CCDC102B: variants seen among roughly 807,000 people sequenced by gnomAD.
CCDC102B encodes the protein coiled-coil domain containing 102B, also known as coiled-coil domain-containing protein 102B.
In CCDC102B, 75 loss-of-function variants were observed where a neutral mutation model predicts 57.4. The ratio of observed to expected loss-of-function variants is 1.31; its 90% CI spans 1.08 to 1.58. The LOEUF (loss-of-function observed/expected upper bound fraction) is 1.58. Ranked by LOEUF, CCDC102B falls within the 40% of genes most tolerant of loss-of-function variation. The pLI, the probability that CCDC102B is intolerant of heterozygous loss-of-function variation, is 0.00. For synonymous variants in CCDC102B, 206 were observed against 201.9 expected (o/e 1.02, Z -0.17); for missense variants, 636 against 582.6 (o/e 1.09, Z -0.94).
At chr18:68,911,270 A>G (rs2040835232) in intron 6 of CCDC102B, among the ~76,000 whole-genome samples, 1 of 152,204 alleles carries the variant, frequency 6.6e-6, no homozygotes, top group Non-Finnish European at 1.5e-5. Context: ...AAAGAATGGG[A>G]TTATATACTT....
intron 6 of CCDC102B, among the ~76,000 whole-genome samples, chr18:68,933,759 A>C (rs552394215): frequency 4.6e-5 from 7 of 152,040 alleles, no homozygotes; most frequent in Middle Eastern, 3.4e-3. Context: ...CAATATGATC[A>C]TATAAATGTA....
At chr18:68,967,242 C>G (rs1044018485) in intron 6 of CCDC102B, among the ~76,000 whole-genome samples, 4 of 152,072 alleles carry the variant, frequency 2.6e-5, no homozygotes, top group Non-Finnish European at 5.9e-5. Flanking sequence ...ACCAGTGGTT[C>G]CCAATGTTCA....
At chr18:68,958,846 CT>C (rs2049974788) in intron 6 of CCDC102B, among the ~76,000 whole-genome samples, 1 of 152,030 alleles carries the variant, frequency 6.6e-6, no homozygotes, top group African/African-American at 2.4e-5. Flanking sequence ...CTGCTTGATT[CT>C]TTTTAGTTAT....
chr18:68,951,179 C>A (rs1429503195), intron 6 of CCDC102B, among the ~76,000 whole-genome samples: 1 of 152,040 alleles, frequency 6.6e-6, no homozygotes, highest in Non-Finnish European at 1.5e-5. Flanking sequence ...TTTAAATAAA[C>A]ACAGATGATG....
At chr18:68,996,738 T>A (rs1410826942) in intron 6 of CCDC102B, among the ~76,000 whole-genome samples, 1 of 152,204 alleles carries the variant, frequency 6.6e-6, no homozygotes, top group African/African-American at 2.4e-5. Flanking sequence ...AATGACTTGC[T>A]TTATTTCAGA....
At chr18:68,756,133 T>TTTTG (rs2034040046) in intron 2 of CCDC102B, among the ~76,000 whole-genome samples, 1 of 151,760 alleles carries the variant, frequency 6.6e-6, no homozygotes, top group Admixed American at 6.6e-5. Flanking sequence ...TTTCAATAAG[T>TTTTG]ATTATTTTGA....
chr18:69,039,844 G>C (rs866380356), intron 7 of CCDC102B, among the ~76,000 whole-genome samples: 15 of 143,878 alleles, frequency 1.0e-4, no homozygotes, highest in Non-Finnish European at 1.9e-4. Flanking sequence ...CAGGAAATTA[G>C]AGGAAATTAG....
intron 7 of CCDC102B, among the ~76,000 whole-genome samples, chr18:69,020,477 T>G (rs146333309): frequency 6.6e-6 from 1 of 152,258 alleles, no homozygotes; most frequent in African/African-American, 2.4e-5. Flanking sequence ...AGTATCATTT[T>G]GGAAGATTAA....
At chr18:68,779,190 G>A (rs1468461423) in intron 2 of CCDC102B, among the ~76,000 whole-genome samples, 1 of 152,094 alleles carries the variant, frequency 6.6e-6, no homozygotes, top group Non-Finnish European at 1.5e-5. Context: ...GGAAATTTAT[G>A]TGCATACACA....
intron 6 of CCDC102B, among the ~76,000 whole-genome samples, chr18:68,968,260 T>C (rs139550443): frequency 6.6e-6 from 1 of 152,234 alleles, no homozygotes; most frequent in East Asian, 2.0e-4. Flanking sequence ...AATAAAACTT[T>C]ATGGTCTGAC....
rs540176524 is a variant in CCDC102B at position 68,942,838 on chromosome 18, C to A, written c.1263+45410C>A. Among the ~76,000 whole-genome samples, 506 of 146,526 alleles carry A rather than the reference C, an allele frequency of 3.5e-3. 1 individual carries two copies. The highest frequency in any genetic ancestry group is 0.012 in the African/African-American group (475 of 40,520). On this transcript the variant is annotated intron_variant, in intron 6 of 7. Coordinates refer to ENST00000360242, the MANE Select transcript of CCDC102B (RefSeq NM_024781.3). ...CCTTTACAGGTGTCGGGCTGGGGTA[C>A]GGTCAGGTCTTTCCCTTCCCACGAG...
At position 68,808,541 on chromosome 18, in the gene CCDC102B, T is replaced by G. The variant is rs1282310392; in HGVS notation, c.-16+10360T>G. Among the ~76,000 whole-genome samples, 3 of 145,286 alleles carry G rather than the reference T, an allele frequency of 2.1e-5. No individual in the cohort carries two copies. The South Asian group carries it at 6.8e-4, about 33-fold the overall frequency. On this transcript the variant is annotated intron_variant, in intron 1 of 7. Transcript: ENST00000360242. ...CGGCCAGGCCGGACTGCAGTGGCGC[T>G]ATCTCCGCTCACTGCAAGCTCTGCC...
At chr18:68,885,411 A>G (rs187166435) in intron 5 of CCDC102B, among the ~76,000 whole-genome samples, 1 of 152,206 alleles carries the variant, frequency 6.6e-6, no homozygotes, top group Admixed American at 6.5e-5. Flanking sequence ...AATAAGTAGC[A>G]TAATAATACC....
intron 2 of CCDC102B, among the ~76,000 whole-genome samples, chr18:68,790,639 C>T (rs1169720411): frequency 6.6e-6 from 1 of 152,200 alleles, no homozygotes; most frequent in African/African-American, 2.4e-5. Context: ...AGGGAACTCC[C>T]TGACCCCTTG....
chr18:68,855,359 G>T (rs1361195192), intron 4 of CCDC102B, among the ~76,000 whole-genome samples: 1 of 152,102 alleles, frequency 6.6e-6, no homozygotes, highest in Non-Finnish European at 1.5e-5. Context: ...GATTAAGAGT[G>T]CTCCAAGCAG....
intron 6 of CCDC102B, among the ~76,000 whole-genome samples, chr18:68,932,624 A>C (rs73463849): frequency 6.6e-6 from 1 of 151,950 alleles, no homozygotes; most frequent in Non-Finnish European, 1.5e-5. Flanking sequence ...TATTCTACCT[A>C]TTCAACAATA....
intron 6 of CCDC102B, among the ~76,000 whole-genome samples, chr18:68,904,184 A>G (rs966049391): frequency 9.2e-5 from 14 of 152,144 alleles, no homozygotes; most frequent in Non-Finnish European, 1.9e-4. Context: ...AACTGTTTAC[A>G]TAGATTCTAT....
At chr18:68,808,644 A>AT (rs1052902671) in intron 1 of CCDC102B, among the ~76,000 whole-genome samples, 4 of 151,360 alleles carry the variant, frequency 2.6e-5, no homozygotes, top group Non-Finnish European at 4.4e-5. Context: ...CGCCCGGATA[A>AT]TTTTTTTGTA....
chr18:68,807,032 T>C (rs1031095041), intron 1 of CCDC102B, among the ~76,000 whole-genome samples: 1 of 152,120 alleles, frequency 6.6e-6, no homozygotes, highest in Non-Finnish European at 1.5e-5. Flanking sequence ...ATTGTATTTA[T>C]CTCCTTGTTG....
Sources: gnomAD v4.1 joint callset for allele counts (sites outside exome capture counted in the v4.1 genomes callset) on GRCh38, gnomAD v4.1.1 for gene constraint, MANE v1.5 for transcripts, NCBI Gene and HGNC (gene_info 2026-07-23, HGNC 2026-07-21) for gene names.